The following SLC9B2 variants were observed in gnomAD, a reference collection of about 807,000 sequenced individuals.
SLC9B2 encodes solute carrier family 9 member B2, also known as sodium/hydrogen exchanger 9B2.
In SLC9B2, 39 loss-of-function variants were observed where a neutral mutation model predicts 52.2. The ratio of observed to expected loss-of-function variants is 0.75; its 90% confidence interval spans 0.58 to 0.98. The LOEUF (loss-of-function observed/expected upper bound fraction) is 0.98. Among genes scored for constraint, SLC9B2 ranks in the 50% least tolerant of loss-of-function variants. SLC9B2 has a pLI of 0.00. For missense variants in SLC9B2, 626 were observed against 637.5 expected, an observed-to-expected ratio of 0.98 and a Z score of 0.19; for synonymous variants, 214 against 227.0, an observed-to-expected ratio of 0.94 and a Z score of 0.51.
intron 9 of SLC9B2, among the ~76,000 whole-genome samples, chr4:103,033,753 G>A (rs1046934458): frequency 4.6e-5 from 7 of 152,062 alleles, no homozygotes; most frequent in Admixed American, 3.9e-4. Context: ...CAGCTAACCA[G>A]GGAGGTAAAA....
intron 2 of SLC9B2, among the ~76,000 whole-genome samples, chr4:103,067,043 T>A (rs890551077): frequency 1.3e-5 from 2 of 151,652 alleles, no homozygotes; most frequent in African/African-American, 4.8e-5. Flanking sequence ...AGATAAGGGA[T>A]ATTCAACCTG....
In SLC9B2 at chr4:103,046,922, T is replaced by C. The variant is rs535609157; in HGVS notation, c.889+129A>G. On this transcript the variant is annotated intron_variant, in intron 7 of 11. Transcript: ENST00000394785. The stretch of plus-strand genomic sequence containing the variant: ...TCTGGACCCTCCTTAGGTACAGAAC[T>C]CTTAGTGTTCTTTTGCCTATTTTTA... The C allele has an allele frequency of 4.6e-6, 5 of 1,080,174 alleles. No individual in the cohort carries two copies. In the Admixed American group the frequency reaches 1.0e-4, roughly 22 times the overall value. 66.9% of individuals were successfully genotyped at this position (1,080,174 alleles called of 1,614,324 possible). A position where few individuals can be genotyped will look rare whatever the true frequency, so the allele number is the denominator to read the frequency against.
intron 1 of SLC9B2, among the ~76,000 whole-genome samples, chr4:103,069,591 C>A (rs1308374701): frequency 6.6e-6 from 1 of 152,136 alleles, no homozygotes; most frequent in South Asian, 2.1e-4. Flanking sequence ...TTTTGCTTTC[C>A]CTATTAAGCA....
At chr4:103,036,200 A>C (rs1257067466) in intron 9 of SLC9B2, among the ~76,000 whole-genome samples, 1 of 152,220 alleles carries the variant, frequency 6.6e-6, no homozygotes, top group African/African-American at 2.4e-5. Flanking sequence ...GTCATAAAAA[A>C]TAATGAAATC....
chr4:103,063,521 A>G (rs555157136), intron 3 of SLC9B2, among the ~76,000 whole-genome samples: 1 of 152,326 alleles, frequency 6.6e-6, no homozygotes, highest in East Asian at 1.9e-4. Flanking sequence ...TTATTCTTGA[A>G]CACAATTTTT....
downstream of SLC9B2, among the ~76,000 whole-genome samples, chr4:103,019,441 G>A (rs1211074949): frequency 6.6e-6 from 1 of 152,226 alleles, no homozygotes; most frequent in Non-Finnish European, 1.5e-5. Context: ...AATGTCTGTG[G>A]CTGTTCCCTC....
At chr4:103,018,402 TA>T (rs1404466783), downstream of SLC9B2, among the ~76,000 whole-genome samples, 1 of 152,024 alleles carries the variant, frequency 6.6e-6, no homozygotes, top group Non-Finnish European at 1.5e-5. Flanking sequence ...AAAAGTAAGT[TA>T]AAAAAAATTC....
At chr4:103,020,267 T>TTTTTTTTG, downstream of SLC9B2, 1 of 418,310 alleles carries the variant, frequency 2.4e-6, no homozygotes, top group Non-Finnish European at 4.6e-6. Context: ...TTTTTTTTTT[T>TTTTTTTTG]CCGCATGAAA....
chr4:103,035,951 T>C (rs1743135777), intron 9 of SLC9B2, among the ~76,000 whole-genome samples: 1 of 151,402 alleles, frequency 6.6e-6, no homozygotes, highest in African/African-American at 2.4e-5. Flanking sequence ...ATATGAAAAA[T>C]GAAAAAAGCT....
chr4:103,071,592 T>A (rs939045692), intron 1 of SLC9B2, among the ~76,000 whole-genome samples: 5 of 152,104 alleles, frequency 3.3e-5, no homozygotes, highest in Admixed American at 6.5e-5. Context: ...TTGGCCAGGA[T>A]GGTCTCGATC....
rs1336972712 is a variant in SLC9B2, at chr4:103,023,973, C to T, written c.*2397G>A. The stretch of plus-strand genomic sequence containing the variant: ...AGTGTAACACTTTTTGGTCTTACAT[C>T]CCTTTTGCTGGCTAAGTCCTAATCT... On this transcript the variant is annotated 3_prime_UTR_variant, in exon 12 of 12. Transcript: ENST00000394785. 6.6e-5 allele frequency among the ~76,000 whole-genome samples: 10 copies of T among 152,168 alleles called. No homozygotes were observed. Among genetic ancestry groups the T allele is most frequent in the African/African-American group, 2.4e-4 (10 of 41,434 alleles).
chr4:103,047,126 T>C lies in SLC9B2; in HGVS notation c.814A>G (p.Met272Val). The change falls in exon 7 of 12, where the codon ATG (methionine) becomes GTG (valine). Residue 272 changes from methionine (M) to valine (V), a missense_variant. Transcript: ENST00000394785. The part of the protein sequence containing the change: ...GVEKGVPTLL[M>V]AAGSFDDILA... ...ATGTCATCGAAGCTGCCAGCTGCCATGAGCAAGGTTGGGACACCCTTCTCA... is the reference window on the plus strand; with the variant it reads ...ATGTCATCGAAGCTGCCAGCTGCCACGAGCAAGGTTGGGACACCCTTCTCA... The C allele has an allele frequency of 1.9e-6, 3 of 1,614,056 alleles. No homozygotes were observed. Among genetic ancestry groups the C allele is most frequent in the Non-Finnish European group, 2.5e-6 (3 of 1,179,954 alleles).
At chr4:103,040,987 C>T (rs952649834) in intron 9 of SLC9B2, among the ~76,000 whole-genome samples, 4 of 152,102 alleles carry the variant, frequency 2.6e-5, no homozygotes, top group Non-Finnish European at 5.9e-5. Flanking sequence ...GAAAACTATT[C>T]TAAGGTGAAG....
chr4:103,028,924 G>A, intron 10 of SLC9B2, 41 bp from the exon 11 acceptor site: 10 of 1,457,572 alleles, frequency 6.9e-6, no homozygotes, highest in South Asian at 4.4e-5. Context: ...TAAAATACTA[G>A]GAGAGAAACT....
intron 8 of SLC9B2, among the ~76,000 whole-genome samples, chr4:103,044,199 T>A (rs887696425): frequency 2.6e-5 from 4 of 152,212 alleles, no homozygotes; most frequent in Non-Finnish European, 5.9e-5. Context: ...AAGTCACTTA[T>A]CCTGCCTAAG....
chr4:103,047,784 C>T (rs1177319097), intron 6 of SLC9B2, among the ~76,000 whole-genome samples: 3 of 152,008 alleles, frequency 2.0e-5, no homozygotes, highest in African/African-American at 7.3e-5. Flanking sequence ...TTTCTTAATC[C>T]AGTCTATCAT....
chr4:103,020,009 T>A, downstream of SLC9B2: 1 of 798,666 alleles, frequency 1.3e-6, no homozygotes, highest in South Asian at 4.9e-5. Flanking sequence ...AAAGTCAGCT[T>A]AAAGTGCAAT....
At chr4:103,047,934 T>C (rs1744316549) in intron 6 of SLC9B2, among the ~76,000 whole-genome samples, 1 of 152,164 alleles carries the variant, frequency 6.6e-6, no homozygotes, top group Admixed American at 6.5e-5. Context: ...TAAAAAGATA[T>C]ATTTATTAGT....
At chr4:103,039,640 T>C (rs1192446920) in intron 9 of SLC9B2, among the ~76,000 whole-genome samples, 2 of 141,752 alleles carry the variant, frequency 1.4e-5, no homozygotes, top group African/African-American at 5.2e-5. Context: ...TATATTCAAA[T>C]GGTATATTCT....
Sources: allele counts gnomAD v4.1 joint callset (sites outside exome capture counted in the v4.1 genomes callset), GRCh38; gene constraint gnomAD v4.1.1; transcripts MANE v1.5; gene names NCBI Gene and HGNC (gene_info 2026-07-23, HGNC 2026-07-21).